CDH13: variants seen among roughly 807,000 people sequenced by gnomAD.
CDH13 encodes the protein cadherin-13.
CDH13 carries 24 observed loss-of-function variants against 63.8 expected under a neutral mutation model. The ratio of observed to expected loss-of-function variants is 0.38; its 90% CI spans 0.27 to 0.53. The LOEUF (loss-of-function observed/expected upper bound fraction) is 0.53, where lower values mean the gene tolerates loss of function less well. Ranked by LOEUF, CDH13 falls within the 20% of genes least tolerant of loss-of-function variation. The probability of loss-of-function intolerance (pLI) is 0.85; values close to 1 mark genes in which losing one functional copy is unlikely to be tolerated. For missense variants in CDH13, 1,049 were observed against 903.1 expected (o/e 1.16, Z -2.07); for synonymous variants, 503 against 355.3 (o/e 1.42, Z -4.67).
At chr16:83,007,636 C>T (rs1413470168) in intron 2 of CDH13, among the ~76,000 whole-genome samples, 1 of 152,018 alleles carries the variant, frequency 6.6e-6, no homozygotes, top group Non-Finnish European at 1.5e-5. Flanking sequence ...TTGAGACCAG[C>T]CTAGGCAGCA....
At chr16:83,484,637 A>G (rs1398611496) in intron 6 of CDH13, among the ~76,000 whole-genome samples, 2 of 152,246 alleles carry the variant, frequency 1.3e-5, no homozygotes, top group Admixed American at 1.3e-4. Flanking sequence ...ATCTTTCCCG[A>G]TGACCATGCC....
chr16:83,786,509 A>G (rs1567595628), intron 13 of CDH13, among the ~76,000 whole-genome samples: 1 of 152,008 alleles, frequency 6.6e-6, no homozygotes, highest in Non-Finnish European at 1.5e-5. Context: ...GAAAGGAAAC[A>G]TATTTCTCCC....
At chr16:82,697,910 A>C (rs1409184062) in intron 1 of CDH13, among the ~76,000 whole-genome samples, 1 of 152,188 alleles carries the variant, frequency 6.6e-6, no homozygotes, top group African/African-American at 2.4e-5. Flanking sequence ...TTGCCCCAAC[A>C]TGACAGTGCT....
chr16:83,773,157 G>A (rs991660716), intron 11 of CDH13, among the ~76,000 whole-genome samples: 1 of 152,132 alleles, frequency 6.6e-6, no homozygotes, highest in African/African-American at 2.4e-5. Flanking sequence ...GAGATGTCAG[G>A]TCCTTGAGAA....
chr16:83,375,737 A>T (rs1475615114), intron 6 of CDH13, among the ~76,000 whole-genome samples: 1 of 152,164 alleles, frequency 6.6e-6, no homozygotes, highest in East Asian at 1.9e-4. Context: ...GTCTTGAGGG[A>T]ACCCCTTCTG....
At chr16:82,876,176 G>A (rs1428351296) in intron 2 of CDH13, among the ~76,000 whole-genome samples, 1 of 152,152 alleles carries the variant, frequency 6.6e-6, no homozygotes, top group African/African-American at 2.4e-5. Flanking sequence ...GATGAGATTT[G>A]GGTGGGGAGA....
intron 1 of CDH13, 37 bp from the exon 2 acceptor site, chr16:82,858,325 G>T: frequency 7.2e-7 from 1 of 1,386,186 alleles, no homozygotes. Flanking sequence ...AAACACATAA[G>T]CCGCTATTAA....
intron 7 of CDH13, among the ~76,000 whole-genome samples, chr16:83,539,547 A>G (rs1049047297): frequency 5.3e-5 from 8 of 152,238 alleles, no homozygotes; most frequent in Non-Finnish European, 8.8e-5. Flanking sequence ...ACATTGAAAG[A>G]GGGAAAATCT....
intron 1 of CDH13, among the ~76,000 whole-genome samples, chr16:82,687,215 G>A (rs1433009073): frequency 6.6e-6 from 1 of 152,196 alleles, no homozygotes; most frequent in Non-Finnish European, 1.5e-5. Flanking sequence ...TGTGAACAGT[G>A]ATGGAAGGTG....
At chr16:83,019,499 T>C (rs573887595) in intron 2 of CDH13, among the ~76,000 whole-genome samples, 3 of 149,552 alleles carry the variant, frequency 2.0e-5, no homozygotes, top group East Asian at 3.9e-4. Flanking sequence ...CATTTTCTTT[T>C]TTTTTTTTTT....
At chr16:82,782,054 T>C (rs11640600) in intron 1 of CDH13, among the ~76,000 whole-genome samples, 46,846 of 152,172 alleles carry the variant, frequency 0.31, 7,767 homozygotes, top group South Asian at 0.47. Context: ...ATTAAGTAGC[T>C]GATGAATATT....
intron 2 of CDH13, among the ~76,000 whole-genome samples, chr16:82,940,010 C>T (rs13331173): frequency 0.021 from 3,181 of 152,106 alleles, 106 homozygotes; most frequent in African/African-American, 0.072. Flanking sequence ...GAATGAGAAC[C>T]AAATGAAAGG....
intron 2 of CDH13, among the ~76,000 whole-genome samples, chr16:82,951,393 G>A (rs1021298119): frequency 3.3e-5 from 5 of 152,310 alleles, no homozygotes; most frequent in African/African-American, 1.2e-4. Flanking sequence ...ATAGATACAA[G>A]AAATGGGTCC....
intron 7 of CDH13, among the ~76,000 whole-genome samples, chr16:83,545,990 C>A (rs555454129): frequency 6.6e-6 from 1 of 152,148 alleles, no homozygotes; most frequent in African/African-American, 2.4e-5. Flanking sequence ...GCTGGGGAAC[C>A]AATATGAAGT....
chr16:83,500,325 TCCTCC>T lies in CDH13; in HGVS notation c.960+13671_960+13675del, dbSNP rs1370941474. Among the ~76,000 whole-genome samples the T allele has an allele frequency of 8.4e-3, 7 of 834 alleles. 3 individuals carry two copies. The highest frequency in any genetic ancestry group is 1 in the East Asian group (2 of 2). 0.5% of individuals were successfully genotyped at this position (834 alleles called of 152,430 possible). A position where few individuals can be genotyped will look rare whatever the true frequency, so the allele number is the denominator to read the frequency against. On this transcript the variant is annotated intron_variant, in intron 7 of 13. Coordinates refer to ENST00000567109, the MANE Select transcript of CDH13 (RefSeq NM_001257.5). ...CTCCTTCTCCTTCTCCTTCTCCTCC[TCCTCC>T]TCCTCCTCCTCCTCCTCCTCCTCCT...
At chr16:83,685,074 G>A (rs1399302093) in intron 10 of CDH13, among the ~76,000 whole-genome samples, 1 of 152,120 alleles carries the variant, frequency 6.6e-6, no homozygotes, top group African/African-American at 2.4e-5. Context: ...ACAGCAGGAT[G>A]GGAAATGGAG....
chr16:82,842,750 C>T (rs2039086491), intron 1 of CDH13, among the ~76,000 whole-genome samples: 2 of 152,128 alleles, frequency 1.3e-5, no homozygotes, highest in Admixed American at 1.3e-4. Context: ...TTATACAACT[C>T]ACCAGAGTGT....
intron 2 of CDH13, among the ~76,000 whole-genome samples, chr16:82,904,596 A>G (rs896509221): frequency 5.3e-5 from 8 of 152,218 alleles, no homozygotes; most frequent in Non-Finnish European, 8.8e-5. Flanking sequence ...GCGGAGAGAA[A>G]GGGAGTGATG....
At chr16:83,051,207 C>G (rs941715635) in intron 3 of CDH13, among the ~76,000 whole-genome samples, 1 of 152,172 alleles carries the variant, frequency 6.6e-6, no homozygotes, top group African/African-American at 2.4e-5. Context: ...TCCCAACCTG[C>G]TTTGTCACTT....
Sources: allele counts gnomAD v4.1 joint callset (sites outside exome capture counted in the v4.1 genomes callset), GRCh38; gene constraint gnomAD v4.1.1; transcripts MANE v1.5; gene names NCBI Gene and HGNC (gene_info 2026-07-23, HGNC 2026-07-21).